The following TAFA4 variants were observed in gnomAD, a reference collection of about 807,000 sequenced individuals.
The protein encoded by TAFA4 is chemokine-like protein TAFA-4.
TAFA4 carries 20 observed loss-of-function variants against 21.1 expected under a neutral mutation model. That is an observed-to-expected ratio of 0.95 (90% confidence interval 0.67 to 1.38). The LOEUF is 1.38. Ranked by LOEUF, TAFA4 falls within the 40% of genes most tolerant of loss-of-function variation. TAFA4 has a pLI of 0.00. For missense variants in TAFA4, 211 were observed against 180.9 expected (o/e 1.17, Z -0.95); for synonymous variants, 71 against 67.4 (o/e 1.05, Z -0.26).
rs764980998 is a variant in TAFA4 at position 68,885,156 on chromosome 3, A to G, written c.14+19T>C. On this transcript the variant is annotated intron_variant, in intron 2 of 5. Coordinates refer to ENST00000295569, the MANE Select transcript of TAFA4 (RefSeq NM_182522.5). ...TTTGTAAAGATATCATGTCCAGGTG[A>G]ACGTTAAAATAATCTTACCTTGGGG... The G allele has an allele frequency of 2.7e-5, 43 of 1,611,510 alleles. No individual in the cohort carries two copies. The highest frequency in any genetic ancestry group is 3.6e-5 in the Non-Finnish European group (43 of 1,178,508).
At chr3:68,826,970 T>A (rs1339510948) in intron 3 of TAFA4, among the ~76,000 whole-genome samples, 1 of 152,154 alleles carries the variant, frequency 6.6e-6, no homozygotes, top group African/African-American at 2.4e-5. Flanking sequence ...TGTGCCGTGT[T>A]GGTTTGCTGC....
chr3:68,873,116 G>T (rs2089502338), intron 3 of TAFA4, among the ~76,000 whole-genome samples: 1 of 151,912 alleles, frequency 6.6e-6, no homozygotes, highest in African/African-American at 2.4e-5. Context: ...TTAGGTCTCA[G>T]TGACTTATAG....
intron 3 of TAFA4, among the ~76,000 whole-genome samples, chr3:68,765,637 G>A (rs1366407400): frequency 6.6e-6 from 1 of 152,148 alleles, no homozygotes; most frequent in Non-Finnish European, 1.5e-5. Context: ...AGATGGCAGA[G>A]TAACCGCCTG....
At chr3:68,820,433 C>T (rs1704088183) in intron 3 of TAFA4, among the ~76,000 whole-genome samples, 1 of 152,054 alleles carries the variant, frequency 6.6e-6, no homozygotes, top group Non-Finnish European at 1.5e-5. Context: ...AATCTCAGCA[C>T]TTTGGGAGGT....
intron 3 of TAFA4, among the ~76,000 whole-genome samples, chr3:68,854,132 G>C (rs1490171873): frequency 6.6e-6 from 1 of 152,022 alleles, no homozygotes. Flanking sequence ...TGGTGGAAGA[G>C]GAGACACCTA....
At chr3:68,742,257 G>A (rs769573082) in intron 4 of TAFA4, among the ~76,000 whole-genome samples, 12 of 152,192 alleles carry the variant, frequency 7.9e-5, no homozygotes, top group East Asian at 1.9e-4. Context: ...GGATATCTAC[G>A]CTCACCATTT....
chr3:68,858,525 G>A (rs540808363), intron 3 of TAFA4, among the ~76,000 whole-genome samples: 60 of 150,382 alleles, frequency 4.0e-4, no homozygotes, highest in Non-Finnish European at 6.8e-4. Context: ...TTTTTCAACC[G>A]AATATAAAAA....
chr3:68,806,277 A>G (rs571616014), intron 3 of TAFA4, among the ~76,000 whole-genome samples: 1 of 152,322 alleles, frequency 6.6e-6, no homozygotes, highest in African/African-American at 2.4e-5. Context: ...TTACTAGTAG[A>G]TAGAAGAAGA....
chr3:68,877,783 T>G (rs527911629), intron 3 of TAFA4, among the ~76,000 whole-genome samples: 1 of 152,300 alleles, frequency 6.6e-6, no homozygotes, highest in East Asian at 1.9e-4. Context: ...TACCTACCCA[T>G]GCTCACAGTC....
intron 1 of TAFA4, among the ~76,000 whole-genome samples, chr3:68,916,667 A>G (rs1405635595): frequency 6.6e-6 from 1 of 152,240 alleles, no homozygotes; most frequent in Non-Finnish European, 1.5e-5. Flanking sequence ...GCCTAGTGGT[A>G]GAACGGTCAA....
intron 3 of TAFA4, among the ~76,000 whole-genome samples, chr3:68,785,286 G>A (rs1187993076): frequency 6.6e-6 from 1 of 152,246 alleles, no homozygotes; most frequent in Non-Finnish European, 1.5e-5. Flanking sequence ...AGGTGGAGCT[G>A]CCTGCCAGTC....
intron 3 of TAFA4, among the ~76,000 whole-genome samples, chr3:68,878,688 G>A (rs954852265): frequency 6.6e-6 from 1 of 152,158 alleles, no homozygotes; most frequent in Non-Finnish European, 1.5e-5. Context: ...AGTCCCATAT[G>A]TGTATGTGAT....
chr3:68,765,949 T>C (rs1221128378), intron 3 of TAFA4, among the ~76,000 whole-genome samples: 1 of 152,096 alleles, frequency 6.6e-6, no homozygotes, highest in Non-Finnish European at 1.5e-5. Flanking sequence ...ATAAGTCCAT[T>C]AGTCACCATT....
chr3:68,842,225 T>A (rs1416198978), intron 3 of TAFA4, among the ~76,000 whole-genome samples: 1 of 152,218 alleles, frequency 6.6e-6, no homozygotes, highest in African/African-American at 2.4e-5. Context: ...CCTGACTTTT[T>A]AATGATCACC....
chr3:68,892,386 A>G (rs1340497915), intron 1 of TAFA4, among the ~76,000 whole-genome samples: 1 of 152,218 alleles, frequency 6.6e-6, no homozygotes, highest in Non-Finnish European at 1.5e-5. Flanking sequence ...TGTTACCAAT[A>G]CCATCTCATC....
intron 1 of TAFA4, among the ~76,000 whole-genome samples, chr3:68,920,193 T>C (rs2090044744): frequency 6.6e-6 from 1 of 152,208 alleles, no homozygotes; most frequent in South Asian, 2.1e-4. Context: ...GACCTGTGTA[T>C]GTATAAACGT....
In TAFA4 at chr3:68,932,524, A is replaced by T. The variant is rs2090169004; in HGVS notation, c.-407T>A. ...CGCGCGCAGTCGGTGCGCCCCGTCC[A>T]GGGCGGCGCGCAGCTAGCAGTGCGG... On this transcript the variant is annotated 5_prime_UTR_variant, in exon 1 of 6. Transcript: ENST00000295569. 1 of 152,106 alleles carries T rather than the reference A, an allele frequency of 6.6e-6. No individual in the cohort carries two copies. Among genetic ancestry groups the T allele is most frequent in the African/African-American group, 2.4e-5 (1 of 41,386 alleles). 9.4% of individuals were successfully genotyped at this position (152,106 alleles called of 1,614,324 possible). A position where few individuals can be genotyped will look rare whatever the true frequency, so the allele number is the denominator to read the frequency against.
At chr3:68,839,706 G>A (rs956701435) in intron 3 of TAFA4, among the ~76,000 whole-genome samples, 6 of 152,226 alleles carry the variant, frequency 3.9e-5, no homozygotes, top group African/African-American at 1.4e-4. Flanking sequence ...ATCCATTAGA[G>A]GAGTTAACTT....
chr3:68,861,049 G>A (rs1032430136), intron 3 of TAFA4, among the ~76,000 whole-genome samples: 3 of 76,108 alleles, frequency 3.9e-5, no homozygotes, highest in South Asian at 8.0e-4. Flanking sequence ...CCGCCCCCAC[G>A]ACTCAGCAAT....
Sources: allele counts gnomAD v4.1 joint callset (sites outside exome capture counted in the v4.1 genomes callset), GRCh38; gene constraint gnomAD v4.1.1; transcripts MANE v1.5; gene names NCBI Gene and HGNC (gene_info 2026-07-23, HGNC 2026-07-21).